The following ADAMTS17 variants were observed in gnomAD, a reference collection of about 807,000 sequenced individuals.
ADAMTS17 encodes the protein A disintegrin and metalloproteinase with thrombospondin motifs 17.
Under a neutral mutation model 141.5 loss-of-function variants are expected in ADAMTS17, and 113 were observed. The observed-to-expected ratio is 0.80, with a 90% CI of 0.69 to 0.93. The LOEUF (loss-of-function observed/expected upper bound fraction) is 0.93. ADAMTS17 is among the 40% of genes least tolerant of loss of function. The pLI is 0.00. For missense variants in ADAMTS17, 1,659 were observed against 1,517.9 expected (o/e 1.09, Z -1.54); for synonymous variants, 768 against 630.6 (o/e 1.22, Z -3.27).
intron 3 of ADAMTS17, 38 bp from the exon 4 acceptor site, chr15:100,281,439 T>A (rs539822104): frequency 6.3e-7 from 1 of 1,596,094 alleles, no homozygotes; most frequent in Admixed American, 1.7e-5. Context: ...GTCCTTGGCT[T>A]ACTGACTTCC....
chr15:100,004,888 C>T (rs2727123), intron 18 of ADAMTS17, among the ~76,000 whole-genome samples: 91,139 of 151,924 alleles, frequency 0.6, 27,886 homozygotes, highest in African/African-American at 0.72. Flanking sequence ...CCCAAAGTGC[C>T]GGGATTATAG....
chr15:100,326,635 G>A (rs1009373029), intron 3 of ADAMTS17, among the ~76,000 whole-genome samples: 1 of 152,156 alleles, frequency 6.6e-6, no homozygotes, highest in African/African-American at 2.4e-5. Flanking sequence ...GTCAGGACAG[G>A]GATGGAAACA....
intron 3 of ADAMTS17, chr15:100,306,136 T>C (rs561178243): frequency 1.6e-5 from 4 of 250,648 alleles, no homozygotes; most frequent in East Asian, 9.6e-5. Context: ...CTCTGCACAG[T>C]AGCCCTTTGT....
chr15:100,021,645 G>A (rs540478189), intron 18 of ADAMTS17, among the ~76,000 whole-genome samples: 11 of 152,296 alleles, frequency 7.2e-5, no homozygotes, highest in African/African-American at 2.2e-4. Context: ...TTCAGTCCAC[G>A]CTCCTTCATA....
intron 18 of ADAMTS17, among the ~76,000 whole-genome samples, chr15:100,001,197 C>T (rs2060914375): frequency 6.6e-6 from 1 of 152,168 alleles, no homozygotes; most frequent in Non-Finnish European, 1.5e-5. Context: ...AGGCCATGAT[C>T]CAGGCATGCC....
chr15:100,267,674 C>G (rs57731252), intron 4 of ADAMTS17, among the ~76,000 whole-genome samples: 5,374 of 149,038 alleles, frequency 0.036, 268 homozygotes, highest in African/African-American at 0.12. Context: ...CCCTTGCCCC[C>G]CTCCCTGTCT....
intron 6 of ADAMTS17, chr15:100,256,752 CTCGAGGAGGAGTTCTCGACT>C (rs2043340985): frequency 6.6e-6 from 1 of 152,514 alleles, no homozygotes; most frequent in Non-Finnish European, 1.5e-5. Flanking sequence ...CAGGCCCAGG[CTCGAGGAGGAGTTCTCGACT>C]TCAGGGAGGA....
At chr15:99,974,717 G>A (rs1000204793) in intron 21 of ADAMTS17, among the ~76,000 whole-genome samples, 155 bp from the exon 22 acceptor site, 17 of 152,226 alleles carry the variant, frequency 1.1e-4, no homozygotes, top group African/African-American at 4.1e-4. Flanking sequence ...CTCCTGCCAG[G>A]GCACTGGGGG....
intron 3 of ADAMTS17, among the ~76,000 whole-genome samples, chr15:100,326,241 G>T (rs1023410414): frequency 4.6e-5 from 7 of 152,150 alleles, no homozygotes; most frequent in Non-Finnish European, 8.8e-5. Context: ...GAAACTCAAA[G>T]TAGCAATTTA....
chr15:100,110,292 T>G (rs2036689120), intron 13 of ADAMTS17, among the ~76,000 whole-genome samples: 1 of 141,316 alleles, frequency 7.1e-6, no homozygotes, highest in Non-Finnish European at 1.5e-5. Flanking sequence ...TGAGACAGAG[T>G]CTCACTCTGT....
chr15:100,181,249 T>C lies in ADAMTS17; in HGVS notation c.1181+18069A>G, dbSNP rs536164610. On this transcript the variant is annotated intron_variant, in intron 8 of 21. Transcript: ENST00000268070. ...GGCCCAGAACAGTCCAGAAATGCTG[T>C]CCAGAGCAAAGGCCTGGAACTGGGG... Among the ~76,000 whole-genome samples the C allele has an allele frequency of 3.9e-5, 6 of 152,256 alleles. No homozygotes were observed. In the South Asian group the frequency reaches 1.0e-3, roughly 26 times the overall value.
chr15:100,007,703 G>A lies in ADAMTS17; in HGVS notation c.2592-10114C>T, dbSNP rs556721375. ...AGCACCCGGGGAGGAGCTGGCCTGCGGTGGAAGGGTGGCGCTGCTTTAGAG... is the reference window on the plus strand; with the variant it reads ...AGCACCCGGGGAGGAGCTGGCCTGCAGTGGAAGGGTGGCGCTGCTTTAGAG... On this transcript the variant is annotated intron_variant, in intron 18 of 21. Coordinates refer to ENST00000268070, the MANE Select transcript of ADAMTS17 (RefSeq NM_139057.4). Among the ~76,000 whole-genome samples the A allele has an allele frequency of 1.6e-4, 25 of 152,182 alleles. No individual in the cohort carries two copies. In the South Asian group the frequency reaches 1.9e-3, roughly 11 times the overall value.
In ADAMTS17 at chr15:100,032,402, C is replaced by A. The variant is rs530752118; in HGVS notation, c.2591+16455G>T. 2.0e-5 allele frequency among the ~76,000 whole-genome samples: 3 copies of A among 152,198 alleles called. No individual in the cohort carries two copies. The South Asian group carries it at 6.2e-4, about 32-fold the overall frequency. The stretch of plus-strand genomic sequence containing the variant: ...TATGTCCTGAATTTTCATTTCTTTT[C>A]TAGTATGGGTGCAGATAACACTAAC... On this transcript the variant is annotated intron_variant, in intron 18 of 21. Transcript: ENST00000268070.
At chr15:100,327,183 C>T (rs2045925924) in intron 3 of ADAMTS17, among the ~76,000 whole-genome samples, 1 of 152,148 alleles carries the variant, frequency 6.6e-6, no homozygotes, top group African/African-American at 2.4e-5. Flanking sequence ...AAGACCTGAC[C>T]AACTGTGCAC....
chr15:100,315,186 G>T (rs1311374570), intron 3 of ADAMTS17, among the ~76,000 whole-genome samples: 1 of 152,226 alleles, frequency 6.6e-6, no homozygotes, highest in Non-Finnish European at 1.5e-5. Flanking sequence ...GCAGGTGGGC[G>T]GGACCTTCGT....
At chr15:100,245,193 A>G (rs894384054) in intron 7 of ADAMTS17, among the ~76,000 whole-genome samples, 1 of 152,184 alleles carries the variant, frequency 6.6e-6, no homozygotes, top group Non-Finnish European at 1.5e-5. Flanking sequence ...AGTGTCACCA[A>G]TATCTTGTGC....
At position 100,196,822 on chromosome 15, in the gene ADAMTS17, G is replaced by A. The variant is rs376452697; in HGVS notation, c.1181+2496C>T. ...CCAGCAACCAGAGGGGCCTGCTGAC[G>A]GGGAGGACATAGCTTCATCCTCAGG... On this transcript the variant is annotated intron_variant, in intron 8 of 21. Transcript: ENST00000268070. Among the ~76,000 whole-genome samples, 66 of 152,304 alleles carry A rather than the reference G, an allele frequency of 4.3e-4. No homozygotes were observed. The East Asian group carries it at 7.0e-3, about 16-fold the overall frequency.
At chr15:100,161,654 G>A (rs1448770229) in intron 8 of ADAMTS17, among the ~76,000 whole-genome samples, 4 of 152,200 alleles carry the variant, frequency 2.6e-5, no homozygotes, top group South Asian at 2.1e-4. Context: ...GGCCAGCTCT[G>A]CACCAGAGGG....
intron 7 of ADAMTS17, among the ~76,000 whole-genome samples, chr15:100,200,964 A>G (rs1435449768): frequency 6.6e-6 from 1 of 152,150 alleles, no homozygotes; most frequent in South Asian, 2.1e-4. Flanking sequence ...GGCTCCTTCC[A>G]TGAACTTGCC....
Sources: allele counts gnomAD v4.1 joint callset (sites outside exome capture counted in the v4.1 genomes callset), GRCh38; gene constraint gnomAD v4.1.1; transcripts MANE v1.5; gene names NCBI Gene and HGNC (gene_info 2026-07-23, HGNC 2026-07-21).